E2F6: variants seen among roughly 807,000 people sequenced by gnomAD.
E2F6 encodes E2F transcription factor 6, also known as transcription factor E2F6.
A neutral mutation model predicts 31.5 loss-of-function variants in E2F6; 19 were observed. The ratio of observed to expected loss-of-function variants is 0.60; its 90% CI spans 0.42 to 0.89. The LOEUF is 0.89. Among genes scored for constraint, E2F6 ranks in the 40% least tolerant of loss-of-function variants. The probability of loss-of-function intolerance (pLI) is 0.00; values close to 1 mark genes in which losing one functional copy is unlikely to be tolerated. For missense variants in E2F6, 269 were observed against 341.6 expected (o/e 0.79, Z 1.67); for synonymous variants, 121 against 127.7 (o/e 0.95, Z 0.36).
At chr2:11,465,196 A>G (rs1160870396) in intron 1 of E2F6, among the ~76,000 whole-genome samples, 4 of 148,456 alleles carry the variant, frequency 2.7e-5, no homozygotes, top group Non-Finnish European at 3.0e-5. Context: ...AAAAAAAAAA[A>G]GAAAAAAAAG....
intron 6 of E2F6, among the ~76,000 whole-genome samples, chr2:11,447,192 G>A (rs1008378615): frequency 2.0e-5 from 3 of 152,306 alleles, no homozygotes; most frequent in African/African-American, 7.2e-5. Context: ...TTAGAAATGT[G>A]CAACTGAGGA....
At chr2:11,452,790 T>A (rs184178658) in intron 3 of E2F6, among the ~76,000 whole-genome samples, 1 of 152,236 alleles carries the variant, frequency 6.6e-6, no homozygotes, top group Non-Finnish European at 1.5e-5. Context: ...TGATTCACAA[T>A]GCATGCCGAT....
In E2F6 at chr2:11,466,066, G is replaced by C; in HGVS notation, c.-187C>G. 3.7e-6 allele frequency: 2 copies of C among 534,502 alleles called. 1 individual carries two copies. Among genetic ancestry groups the C allele is most frequent in the South Asian group, 5.1e-5 (2 of 39,026 alleles). The allele number at this position is 534,502 out of a possible 1,614,324, so 33.1% of individuals were successfully genotyped here. A position where few individuals can be genotyped will look rare whatever the true frequency, so the allele number is the denominator to read the frequency against. Reference sequence around the variant, plus strand: ...GCCAGTAAACGCGGCACGGCCTCACGTGCCCGGGAGCTCCCGACGCAGACG... The same window carrying C: ...GCCAGTAAACGCGGCACGGCCTCACCTGCCCGGGAGCTCCCGACGCAGACG... On this transcript the variant is annotated 5_prime_UTR_variant, in exon 1 of 7. Transcript: ENST00000381525.
chr2:11,460,845 T>A (rs1433571179), intron 1 of E2F6, among the ~76,000 whole-genome samples: 2 of 152,178 alleles, frequency 1.3e-5, no homozygotes, highest in African/African-American at 4.8e-5. Context: ...AAGGTAATGT[T>A]TGGTGCTATG....
At chr2:11,464,466 G>C (rs1362342045) in intron 1 of E2F6, among the ~76,000 whole-genome samples, 2 of 143,558 alleles carry the variant, frequency 1.4e-5, no homozygotes. Flanking sequence ...GCAGTGAACC[G>C]AGATCAGGCC....
At chr2:11,459,150 C>T (rs6432196) in intron 1 of E2F6, among the ~76,000 whole-genome samples, 68,942 of 151,766 alleles carry the variant, frequency 0.45, 16,264 homozygotes, top group East Asian at 0.61. Context: ...CATAAACAAA[C>T]ATCCTAAATC....
At chr2:11,446,886 T>C (rs766647301) in intron 6 of E2F6, among the ~76,000 whole-genome samples, 1 of 152,238 alleles carries the variant, frequency 6.6e-6, no homozygotes, top group Non-Finnish European at 1.5e-5. Context: ...TTACAGGTAT[T>C]CTTCGTCAGT....
chr2:11,461,172 G>A (rs916103942), intron 1 of E2F6, among the ~76,000 whole-genome samples: 2 of 152,116 alleles, frequency 1.3e-5, no homozygotes, highest in African/African-American at 4.8e-5. Flanking sequence ...CACTGTAGGT[G>A]GAAATGCTAC....
chr2:11,464,678 C>T (rs1415184293), intron 1 of E2F6, among the ~76,000 whole-genome samples: 2 of 152,038 alleles, frequency 1.3e-5, no homozygotes, highest in Non-Finnish European at 2.9e-5. Flanking sequence ...ACATTTGGAG[C>T]TTCAACCCAA....
chr2:11,448,774 A>T (rs944755800), intron 5 of E2F6, among the ~76,000 whole-genome samples: 4 of 152,274 alleles, frequency 2.6e-5, no homozygotes, highest in African/African-American at 9.6e-5. Context: ...TGCAAGTCAC[A>T]CTATCCCTGT....
chr2:11,448,225 A>G (rs1670845697), intron 5 of E2F6, among the ~76,000 whole-genome samples: 1 of 152,250 alleles, frequency 6.6e-6, no homozygotes, highest in Non-Finnish European at 1.5e-5. Flanking sequence ...AATCGTTTAC[A>G]TTATTTATAA....
Position 11,465,767 on chromosome 2 carries a change from CT to C in E2F6, c.108+4del. ...CGCCCGTCCCCGTCCCGTCCCGGAG[CT>C]TACCAGCAGGCCCTCCACGTTGATG... is the stretch of plus-strand genomic sequence containing the variant. On this transcript the variant is annotated splice_donor_region_variant and intron_variant, in intron 1 of 6. Coordinates refer to ENST00000381525, the MANE Select transcript of E2F6 (RefSeq NM_198256.4). 1 of 1,587,222 alleles carries C rather than the reference CT, an allele frequency of 6.3e-7. No individual in the cohort carries two copies. The highest frequency in any genetic ancestry group is 1.3e-5 in the African/African-American group (1 of 74,562).
At chr2:11,451,325 T>C (rs967041451) in intron 4 of E2F6, 5 of 179,038 alleles carry the variant, frequency 2.8e-5, no homozygotes, top group African/African-American at 9.6e-5. Context: ...TTTGAGGTTA[T>C]ACTACTACCA....
At chr2:11,454,358 T>A (rs1671268130) in intron 2 of E2F6, among the ~76,000 whole-genome samples, 1 of 151,856 alleles carries the variant, frequency 6.6e-6, no homozygotes, top group East Asian at 1.9e-4. Context: ...CTCTCTTTTT[T>A]TTTTTTTTTT....
At chr2:11,465,732 G>C (rs1672151865) in intron 1 of E2F6, 40 bp downstream of exon 1, 2 of 1,548,520 alleles carry the variant, frequency 1.3e-6, no homozygotes, top group Non-Finnish European at 1.7e-6. Flanking sequence ...GGCCGGATTT[G>C]GGAGACCACC....
intron 4 of E2F6, chr2:11,451,182 C>G (rs1235736285): frequency 2.0e-5 from 3 of 152,366 alleles, no homozygotes; most frequent in Non-Finnish European, 4.4e-5. Context: ...AGTATTCAGA[C>G]TATAAAAATG....
chr2:11,465,796 G>A lies in E2F6; in HGVS notation c.84C>T (p.Asp28=), dbSNP rs750997398. The stretch of plus-strand genomic sequence containing the variant: ...CCAGCAGGCCCTCCACGTTGATGGG[G>A]TCTCGGCACCGACGGCGAACCGTCT... The part of the protein sequence containing the change: ...TEETVRRRCR[D]PINVEGLLPS... The change falls in exon 1 of 7, where the codon GAC becomes GAT. Residue 28 remains aspartate, a synonymous_variant. Coordinates refer to ENST00000381525, the MANE Select transcript of E2F6 (RefSeq NM_198256.4). 3.7e-6 allele frequency: 6 copies of A among 1,600,868 alleles called. No individual in the cohort carries two copies. The highest frequency in any genetic ancestry group is 3.4e-5 in the South Asian group (3 of 88,592).
chr2:11,457,983 C>G (rs1189990563), intron 1 of E2F6, among the ~76,000 whole-genome samples: 1 of 152,206 alleles, frequency 6.6e-6, no homozygotes, highest in African/African-American at 2.4e-5. Flanking sequence ...TATCAATGCT[C>G]ACCATTTTAC....
chr2:11,458,408 G>A, intron 1 of E2F6: 1 of 1,527,134 alleles, frequency 6.5e-7, no homozygotes, highest in African/African-American at 1.4e-5. Flanking sequence ...ACAAAGGTGT[G>A]AAGATGTATA....
Sources: allele counts gnomAD v4.1 joint callset (sites outside exome capture counted in the v4.1 genomes callset), GRCh38; gene constraint gnomAD v4.1.1; transcripts MANE v1.5; gene names NCBI Gene and HGNC (gene_info 2026-07-23, HGNC 2026-07-21).